Variants in LDLRAD4 observed in about 807,000 individuals in gnomAD.
LDLRAD4 encodes the protein low-density lipoprotein receptor class A domain-containing protein 4.
LDLRAD4 carries 5 observed loss-of-function variants against 17.0 expected under a neutral mutation model. The ratio of observed to expected loss-of-function variants is 0.29; its 90% CI spans 0.15 to 0.62. The LOEUF (loss-of-function observed/expected upper bound fraction) is 0.62, where lower values mean the gene tolerates loss of function less well. LDLRAD4 is among the 20% of genes least tolerant of loss of function. The pLI is 0.84. For synonymous variants in LDLRAD4, 168 were observed against 171.8 expected (o/e 0.98, Z 0.17); for missense variants, 340 against 424.7 (o/e 0.80, Z 1.75).
chr18:13,600,050 G>A (rs115020231), intron 3 of LDLRAD4, among the ~76,000 whole-genome samples: 2,091 of 152,294 alleles, frequency 0.014, 45 homozygotes, highest in African/African-American at 0.047. Flanking sequence ...CTGAGCAAAT[G>A]AAGCAATCCT....
chr18:13,580,551 A>C (rs1831021576), intron 3 of LDLRAD4, among the ~76,000 whole-genome samples: 1 of 152,028 alleles, frequency 6.6e-6, no homozygotes, highest in Non-Finnish European at 1.5e-5. Context: ...TGGCAATGAG[A>C]ACGTCCCACC....
At chr18:13,337,672 G>A (rs1480149696) in intron 1 of LDLRAD4, among the ~76,000 whole-genome samples, 3 of 150,856 alleles carry the variant, frequency 2.0e-5, no homozygotes, top group African/African-American at 4.9e-5. Flanking sequence ...AAGGTGGTAC[G>A]GTCGCTTGAA....
In LDLRAD4 at chr18:13,503,187, T is replaced by C. The variant is rs550449671; in HGVS notation, c.181+64803T>C. Among the ~76,000 whole-genome samples the C allele has an allele frequency of 7.2e-5, 11 of 152,368 alleles. No homozygotes were observed. The South Asian group carries it at 1.7e-3, about 23-fold the overall frequency. ...TGGATACTAGGGGCATTTAACGTTT[T>C]AAGCTTTCCTCCAGGGTTTTTTCCT... On this transcript the variant is annotated intron_variant, in intron 3 of 5. Transcript: ENST00000359446.
intron 3 of LDLRAD4, among the ~76,000 whole-genome samples, chr18:13,479,060 C>G (rs1337324889): frequency 1.3e-5 from 2 of 152,176 alleles, no homozygotes; most frequent in African/African-American, 4.8e-5. Flanking sequence ...AAACAGCTGG[C>G]TCTCCACATG....
At chr18:13,318,064 C>T (rs895420549) in intron 1 of LDLRAD4, among the ~76,000 whole-genome samples, 1 of 152,104 alleles carries the variant, frequency 6.6e-6, no homozygotes, top group Non-Finnish European at 1.5e-5. Flanking sequence ...ATCTGCCACT[C>T]GTCCGGTCCC....
chr18:13,485,994 G>A (rs577663010), intron 3 of LDLRAD4, among the ~76,000 whole-genome samples: 3 of 152,322 alleles, frequency 2.0e-5, no homozygotes, highest in East Asian at 1.9e-4. Context: ...GCTTTAAAGC[G>A]GGACTTTTCC....
Position 13,481,421 on chromosome 18 carries a change from C to T in LDLRAD4, c.181+43037C>T, listed in dbSNP as rs144235318. Among the ~76,000 whole-genome samples, 671 of 152,272 alleles carry T rather than the reference C, an allele frequency of 4.4e-3. 2 individuals are homozygous for T. The highest frequency in any genetic ancestry group is 9.9e-3 in the South Asian group (48 of 4,826). ...CCTGAGAAGCGGGGGCACGTGTAGA[C>T]GCTGACTGTGGCTTGACGCTGACTG... On this transcript the variant is annotated intron_variant, in intron 3 of 5. Coordinates refer to ENST00000359446, the Ensembl canonical transcript of LDLRAD4.
chr18:13,508,530 C>T (rs2093729523), intron 3 of LDLRAD4, among the ~76,000 whole-genome samples: 1 of 152,144 alleles, frequency 6.6e-6, no homozygotes, highest in Non-Finnish European at 1.5e-5. Context: ...TAAATTGCAG[C>T]CAATGCTCAT....
At chr18:13,349,077 T>C (rs1359047621) in intron 1 of LDLRAD4, among the ~76,000 whole-genome samples, 3 of 152,190 alleles carry the variant, frequency 2.0e-5, no homozygotes, top group Non-Finnish European at 4.4e-5. Context: ...CTGCCCCCAC[T>C]GTCCTGCACC....
intron 3 of LDLRAD4, among the ~76,000 whole-genome samples, chr18:13,609,082 G>A (rs985874052): frequency 6.6e-6 from 1 of 152,226 alleles, no homozygotes; most frequent in Non-Finnish European, 1.5e-5. Flanking sequence ...AAGATGCGAT[G>A]TAAAGATGAT....
intron 1 of LDLRAD4, among the ~76,000 whole-genome samples, chr18:13,338,324 G>T (rs2082209489): frequency 6.6e-6 from 1 of 152,204 alleles, no homozygotes; most frequent in Non-Finnish European, 1.5e-5. Context: ...GTTCTCTGGA[G>T]GTCAGGGATG....
At chr18:13,364,600 T>A (rs1391736358) in intron 1 of LDLRAD4, among the ~76,000 whole-genome samples, 3 of 152,206 alleles carry the variant, frequency 2.0e-5, no homozygotes, top group Non-Finnish European at 4.4e-5. Context: ...CTTCAGCCTC[T>A]TAAATAGCTG....
At chr18:13,254,096 C>T (rs975301698) in intron 1 of LDLRAD4, among the ~76,000 whole-genome samples, 3 of 152,296 alleles carry the variant, frequency 2.0e-5, no homozygotes, top group Admixed American at 2.0e-4. Flanking sequence ...TAAGCCCCGG[C>T]GAGATTCCAC....
chr18:13,436,345 C>T (rs1032791088), intron 2 of LDLRAD4, among the ~76,000 whole-genome samples: 1 of 152,152 alleles, frequency 6.6e-6, no homozygotes, highest in Non-Finnish European at 1.5e-5. Flanking sequence ...CATGTCGTGT[C>T]TCCCCCCAAC....
In LDLRAD4 at chr18:13,503,713, A is replaced by T. The variant is rs765464165; in HGVS notation, c.181+65329A>T. Among the ~76,000 whole-genome samples the T allele has an allele frequency of 1.4e-4, 21 of 151,728 alleles. No homozygotes were observed. The Middle Eastern group carries it at 0.014, about 99-fold the overall frequency. ...CCCTTTCTGAAGTGAGTTTGGTTTTATTTTGGGCAGGCCTCATAGGCTGTA... is the reference window on the plus strand; with the variant it reads ...CCCTTTCTGAAGTGAGTTTGGTTTTTTTTTGGGCAGGCCTCATAGGCTGTA... On this transcript the variant is annotated intron_variant, in intron 3 of 5. Transcript: ENST00000359446.
chr18:13,620,273 G>A (rs1486847955), intron 3 of LDLRAD4, among the ~76,000 whole-genome samples: 3 of 152,244 alleles, frequency 2.0e-5, no homozygotes, highest in Non-Finnish European at 4.4e-5. Context: ...ACAGTTGATG[G>A]CTTCTCTCTT....
intron 1 of LDLRAD4, among the ~76,000 whole-genome samples, chr18:13,373,209 T>C (rs1255865772): frequency 2.0e-5 from 3 of 152,174 alleles, no homozygotes; most frequent in Non-Finnish European, 4.4e-5. Context: ...TCCCTTGTTT[T>C]GATTTCCTTT....
Position 13,645,055 on chromosome 18 carries a change from C to A in LDLRAD4, c.391-72C>A. The A allele has an allele frequency of 7.7e-7, 1 of 1,299,774 alleles. No individual in the cohort carries two copies. The highest frequency in any genetic ancestry group is 1.1e-6 in the Non-Finnish European group (1 of 941,106). 80.5% of individuals were successfully genotyped at this position (1,299,774 alleles called of 1,614,324 possible). On this transcript the variant is annotated intron_variant, in intron 5 of 5. Transcript: ENST00000359446. This position sits in a 1 kb window ranked among gnomAD's most constrained non-coding sequence, Gnocchi z 5.7. ...AGGAACACACACCAAGCGTAACTTT[C>A]CTTGATTCTGACACATTTATGGTCA...
At chr18:13,388,327 C>T (rs1294636112) in intron 2 of LDLRAD4, among the ~76,000 whole-genome samples, 1 of 152,190 alleles carries the variant, frequency 6.6e-6, no homozygotes, top group Non-Finnish European at 1.5e-5. Context: ...CCAGAGCCCT[C>T]GCCCAAGACA....
Sources: gnomAD v4.1 joint callset for allele counts (sites outside exome capture counted in the v4.1 genomes callset) on GRCh38, gnomAD v4.1.1 for gene constraint, Gnocchi (gnomAD v3.1) non-coding constraint, MANE v1.5 for transcripts, NCBI Gene and HGNC (gene_info 2026-07-23, HGNC 2026-07-21) for gene names.